Variants in SUCO observed in about 807,000 individuals in gnomAD.
SUCO encodes SUN domain containing ossification factor, also known as SUN domain-containing ossification factor.
SUCO carries 57 observed loss-of-function variants against 148.1 expected under a neutral mutation model. The ratio of observed to expected loss-of-function variants is 0.38; its 90% CI spans 0.31 to 0.48. The LOEUF (loss-of-function observed/expected upper bound fraction) is 0.48. Among genes scored for constraint, SUCO ranks in the 20% least tolerant of loss-of-function variants. The pLI, the probability that SUCO is intolerant of heterozygous loss-of-function variation, is 0.96. For missense variants in SUCO, 1,331 were observed against 1,468.2 expected (o/e 0.91, Z 1.53); for synonymous variants, 470 against 502.7 (o/e 0.93, Z 0.87).
intron 22 of SUCO, among the ~76,000 whole-genome samples, chr1:172,604,343 A>G (rs1367104794): frequency 6.6e-6 from 1 of 151,930 alleles, no homozygotes; most frequent in East Asian, 1.9e-4. Context: ...AGTTGAGTAG[A>G]GTAGGTAGGA....
At chr1:172,560,090 T>C (rs1240302637) in intron 6 of SUCO, among the ~76,000 whole-genome samples, 2 of 152,164 alleles carry the variant, frequency 1.3e-5, no homozygotes, top group Non-Finnish European at 2.9e-5. Context: ...GGATAACTGA[T>C]AGGGGCCCAG....
intron 3 of SUCO, among the ~76,000 whole-genome samples, chr1:172,553,946 T>C (rs1653519602): frequency 6.6e-6 from 1 of 152,164 alleles, no homozygotes; most frequent in African/African-American, 2.4e-5. Context: ...CAGTAATGGC[T>C]GAAGGTACTG....
intron 1 of SUCO, among the ~76,000 whole-genome samples, chr1:172,538,171 G>A (rs1460899032): frequency 6.6e-6 from 1 of 152,134 alleles, no homozygotes; most frequent in African/African-American, 2.4e-5. Flanking sequence ...TGCTGTGGAG[G>A]GTAAAGTGGA....
intron 1 of SUCO, among the ~76,000 whole-genome samples, chr1:172,539,413 A>C (rs1425974277): frequency 1.3e-5 from 2 of 152,194 alleles, no homozygotes; most frequent in Admixed American, 6.5e-5. Context: ...TACATGTCAC[A>C]AGGGAATAGG....
In SUCO at chr1:172,591,173, C is replaced by T. The variant is rs1571269519; in HGVS notation, c.2913+102C>T. The stretch of plus-strand genomic sequence containing the variant: ...AGTATTGTAGTTTCACTTTTTCCCC[C>T]TGCTAGCTGGTGTTTAAGCCTGTTA... On this transcript the variant is annotated intron_variant, in intron 19 of 23. Transcript: ENST00000263688. The T allele has an allele frequency of 3.6e-6, 3 of 831,822 alleles. No homozygotes were observed. The East Asian group carries it at 8.2e-5, about 23-fold the overall frequency. 51.5% of individuals were successfully genotyped at this position (831,822 alleles called of 1,614,324 possible).
At chr1:172,568,889 AT>A (rs1415794644) in intron 6 of SUCO, 129 bp from the exon 7 acceptor site, 1 of 914,582 alleles carries the variant, frequency 1.1e-6, no homozygotes, top group Non-Finnish European at 1.5e-6. Context: ...TACGTTTTTT[AT>A]TTTTTCAAAA....
At chr1:172,588,267 AG>A in intron 17 of SUCO, 2 of 985,320 alleles carry the variant, frequency 2.0e-6, no homozygotes, top group Non-Finnish European at 2.4e-6. Context: ...TTTTGAAAAT[AG>A]GGTATTCAAG....
At chr1:172,564,420 A>G (rs373122989) in intron 6 of SUCO, among the ~76,000 whole-genome samples, 1 of 152,154 alleles carries the variant, frequency 6.6e-6, no homozygotes, top group Non-Finnish European at 1.5e-5. Flanking sequence ...TTGGTGATGA[A>G]TGAGTTCTTG....
intron 1 of SUCO, among the ~76,000 whole-genome samples, chr1:172,537,523 C>CTG (rs1652115881): frequency 6.6e-6 from 1 of 152,154 alleles, no homozygotes; most frequent in Non-Finnish European, 1.5e-5. Context: ...TCAGTTAAAA[C>CTG]TGAATAATTC....
At chr1:172,550,839 A>T in intron 1 of SUCO, 1 of 922,046 alleles carries the variant, frequency 1.1e-6, no homozygotes, top group Non-Finnish European at 1.3e-6. Context: ...TAATCGTAAC[A>T]TATTTTTCCT....
chr1:172,550,603 A>G (rs551413934), intron 1 of SUCO, among the ~76,000 whole-genome samples: 129 of 152,024 alleles, frequency 8.5e-4, no homozygotes, highest in African/African-American at 3.0e-3. Flanking sequence ...TGCCTCTTTT[A>G]TCTTCATGTT....
intron 21 of SUCO, chr1:172,602,480 A>G: frequency 2.0e-6 from 2 of 981,986 alleles, no homozygotes; most frequent in South Asian, 9.4e-5. Flanking sequence ...TAAATGTGGA[A>G]TTCAAAGGAA....
intron 1 of SUCO, among the ~76,000 whole-genome samples, chr1:172,535,984 AAGT>A (rs1449224391): frequency 6.6e-6 from 1 of 152,126 alleles, no homozygotes; most frequent in Non-Finnish European, 1.5e-5. Flanking sequence ...ATTTTTGATC[AAGT>A]AGTATAGAGT....
intron 2 of SUCO, chr1:172,552,585 TTTAAG>T (rs1653385312): frequency 1.0e-6 from 1 of 969,436 alleles, no homozygotes; most frequent in Non-Finnish European, 1.2e-6. Context: ...ATTATTTAAA[TTTAAG>T]TTATGTTGGA....
chr1:172,583,906 A>G (rs1028638549), intron 15 of SUCO, among the ~76,000 whole-genome samples: 3 of 152,186 alleles, frequency 2.0e-5, no homozygotes, highest in Admixed American at 6.5e-5. Context: ...AAATATATCT[A>G]TGTAGATATT....
At chr1:172,551,781 A>T in intron 2 of SUCO, 155 bp downstream of exon 2, 1 of 569,872 alleles carries the variant, frequency 1.8e-6, no homozygotes, top group Non-Finnish European at 3.1e-6. Flanking sequence ...TTCTTAAATT[A>T]TGACGGCTCA....
intron 8 of SUCO, chr1:172,570,453 T>A (rs1654875594): frequency 2.0e-6 from 1 of 512,358 alleles, no homozygotes; most frequent in East Asian, 3.2e-5. Context: ...CATTGAATTT[T>A]AAATGTATCA....
intron 2 of SUCO, chr1:172,552,505 A>C (rs1028210481): frequency 3.2e-6 from 1 of 314,234 alleles, no homozygotes; most frequent in Non-Finnish European, 4.6e-6. Context: ...GTGTGCACAC[A>C]TGTGGGTGTG....
intron 19 of SUCO, among the ~76,000 whole-genome samples, chr1:172,597,156 G>A (rs1434452207): frequency 1.3e-5 from 2 of 152,242 alleles, no homozygotes; most frequent in African/African-American, 4.8e-5. Context: ...GTTAGGGTGG[G>A]AGCGTCTCAA....
Sources: gnomAD v4.1 joint callset for allele counts (sites outside exome capture counted in the v4.1 genomes callset) on GRCh38, gnomAD v4.1.1 for gene constraint, MANE v1.5 for transcripts, NCBI Gene and HGNC (gene_info 2026-07-23, HGNC 2026-07-21) for gene names.